RFTN2: variants seen among roughly 807,000 people sequenced by gnomAD.
RFTN2 encodes the protein raftlin family member 2, also known as raftlin-2.
Under a neutral mutation model 52.7 loss-of-function variants are expected in RFTN2, and 34 were observed. The ratio of observed to expected loss-of-function variants is 0.64; its 90% CI spans 0.49 to 0.86. The LOEUF is 0.86. Among genes scored for constraint, RFTN2 ranks in the 40% least tolerant of loss-of-function variants. The pLI, the probability that RFTN2 is intolerant of heterozygous loss-of-function variation, is 0.00. For missense variants in RFTN2, 536 were observed against 600.1 expected (o/e 0.89, Z 1.12); for synonymous variants, 203 against 217.7 (o/e 0.93, Z 0.59).
At chr2:197,666,882 G>A (rs2089070366) in intron 1 of RFTN2, among the ~76,000 whole-genome samples, 1 of 152,080 alleles carries the variant, frequency 6.6e-6, no homozygotes, top group African/African-American at 2.4e-5. Flanking sequence ...TTGTCTTCAA[G>A]TTCTGAGTTT....
chr2:197,581,840 G>A (rs2087515847), intron 8 of RFTN2, among the ~76,000 whole-genome samples: 1 of 151,868 alleles, frequency 6.6e-6, no homozygotes. Context: ...TTGGATACCT[G>A]GTTTTGCCAT....
intron 7 of RFTN2, among the ~76,000 whole-genome samples, chr2:197,602,389 A>AT (rs1462163830): frequency 6.6e-6 from 1 of 152,018 alleles, no homozygotes; most frequent in South Asian, 2.1e-4. Flanking sequence ...AATTAAAAAA[A>AT]TTTTTTTGTA....
intron 7 of RFTN2, 120 bp downstream of exon 7, chr2:197,615,756 C>T (rs747996640): frequency 5.9e-5 from 36 of 608,518 alleles, no homozygotes; most frequent in Non-Finnish European, 8.8e-5. Context: ...AAATCAAATT[C>T]GAAGCTCAGT....
chr2:197,604,540 TA>T (rs935752565), intron 7 of RFTN2, among the ~76,000 whole-genome samples: 3 of 152,142 alleles, frequency 2.0e-5, no homozygotes, highest in African/African-American at 7.2e-5. Context: ...GATTCATACA[TA>T]AGTGGTAAAA....
chr2:197,644,779 T>G (rs1451247642), intron 2 of RFTN2, among the ~76,000 whole-genome samples: 1 of 152,332 alleles, frequency 6.6e-6, no homozygotes, highest in South Asian at 2.1e-4. Flanking sequence ...GCAATCCTAC[T>G]ATGCAAAAAT....
At chr2:197,634,091 C>T in intron 3 of RFTN2, 94 bp from the exon 4 acceptor site, 1 of 1,073,816 alleles carries the variant, frequency 9.3e-7, no homozygotes. Context: ...AGGAAATCCA[C>T]TAGAAGATGG....
chr2:197,616,241 A>G (rs2088138594), intron 6 of RFTN2, among the ~76,000 whole-genome samples: 2 of 90,034 alleles, frequency 2.2e-5, no homozygotes, highest in Admixed American at 1.1e-4. Context: ...GAAATTTAAT[A>G]CATGGGGTTG....
At chr2:197,628,864 G>A (rs976695492) in intron 5 of RFTN2, among the ~76,000 whole-genome samples, 1 of 152,188 alleles carries the variant, frequency 6.6e-6, no homozygotes, top group Admixed American at 6.5e-5. Context: ...GAGACTCAGT[G>A]AGCTCAACTA....
chr2:197,616,300 T>TTTAATTTTA, intron 6 of RFTN2, among the ~76,000 whole-genome samples: 2 of 76,528 alleles, frequency 2.6e-5, no homozygotes, highest in African/African-American at 1.1e-4. Context: ...TTTTATTTTA[T>TTTAATTTTA]TTTATTTTAA....
intron 1 of RFTN2, among the ~76,000 whole-genome samples, chr2:197,657,208 T>C (rs1442481907): frequency 6.6e-6 from 1 of 152,148 alleles, no homozygotes; most frequent in African/African-American, 2.4e-5. Flanking sequence ...CCAATTCTTA[T>C]ATAATATTTC....
chr2:197,626,213 G>A (rs1013156079), intron 5 of RFTN2, among the ~76,000 whole-genome samples: 7 of 152,154 alleles, frequency 4.6e-5, no homozygotes, highest in African/African-American at 1.7e-4. Flanking sequence ...CTTTCTAGTT[G>A]TGTGAATGCA....
chr2:197,593,496 C>A (rs2087748678), intron 8 of RFTN2, among the ~76,000 whole-genome samples: 2 of 152,160 alleles, frequency 1.3e-5, no homozygotes, highest in Admixed American at 1.3e-4. Flanking sequence ...TACATCTTCA[C>A]AAGCACAACT....
At chr2:197,662,606 A>T (rs2088993655) in intron 1 of RFTN2, among the ~76,000 whole-genome samples, 1 of 151,924 alleles carries the variant, frequency 6.6e-6, no homozygotes, top group Non-Finnish European at 1.5e-5. Context: ...GGTTCCATAA[A>T]AATTTTGGTA....
rs1162536679 is a variant in RFTN2, at chr2:197,573,807, C to T, written c.1234-1527G>A. ...TTTGTGCAATTTTGGGACTTGCTGC[C>T]CTGCATCCCAGCCATGGCTATATGG... On this transcript the variant is annotated intron_variant, in intron 8 of 8. Coordinates refer to ENST00000295049, the MANE Select transcript of RFTN2 (RefSeq NM_144629.3). Among the ~76,000 whole-genome samples the T allele has an allele frequency of 2.6e-5, 4 of 152,202 alleles. No individual in the cohort carries two copies. The South Asian group carries it at 8.3e-4, about 31-fold the overall frequency.
chr2:197,619,903 A>G (rs1294584592), intron 5 of RFTN2, among the ~76,000 whole-genome samples: 3 of 150,458 alleles, frequency 2.0e-5, no homozygotes, highest in African/African-American at 4.9e-5. Flanking sequence ...TTAAAATCCA[A>G]CTATACATAT....
intron 7 of RFTN2, among the ~76,000 whole-genome samples, chr2:197,614,288 G>A (rs184890905): frequency 8.5e-4 from 129 of 152,218 alleles, no homozygotes; most frequent in African/African-American, 3.1e-3. Context: ...TCAGAATGGC[G>A]TGGCAGAGAT....
chr2:197,608,463 C>A (rs1283031068), intron 7 of RFTN2, among the ~76,000 whole-genome samples: 1 of 151,784 alleles, frequency 6.6e-6, no homozygotes, highest in East Asian at 1.9e-4. Context: ...AGGTGCACAC[C>A]ACCACGCGCA....
intron 1 of RFTN2, among the ~76,000 whole-genome samples, chr2:197,652,965 T>G (rs2088844836): frequency 6.6e-6 from 1 of 152,226 alleles, no homozygotes; most frequent in African/African-American, 2.4e-5. Context: ...GGAAAAAAAT[T>G]ACCTCCAAAG....
intron 7 of RFTN2, among the ~76,000 whole-genome samples, chr2:197,607,354 T>C (rs141767061): frequency 6.6e-6 from 1 of 151,766 alleles, no homozygotes; most frequent in African/African-American, 2.4e-5. Context: ...GGGGCAGGGA[T>C]AGCATTAGGA....
Sources: gnomAD v4.1 joint callset for allele counts (sites outside exome capture counted in the v4.1 genomes callset) on GRCh38, gnomAD v4.1.1 for gene constraint, MANE v1.5 for transcripts, NCBI Gene and HGNC (gene_info 2026-07-23, HGNC 2026-07-21) for gene names.